MADD: variants seen among roughly 807,000 people sequenced by gnomAD.
MADD encodes the protein MAP kinase-activating death domain protein.
In MADD, 109 loss-of-function variants were observed where a neutral mutation model predicts 176.7. The observed-to-expected ratio is 0.62, with a 90% CI of 0.53 to 0.72. The LOEUF (loss-of-function observed/expected upper bound fraction) is 0.72, where lower values mean the gene tolerates loss of function less well. MADD is among the 30% of genes least tolerant of loss of function. The pLI is 0.00. For synonymous variants in MADD, 771 were observed against 771.3 expected, an observed-to-expected ratio of 1.00 and a Z score of 0.01; for missense variants, 1,914 against 2,045.5, an observed-to-expected ratio of 0.94 and a Z score of 1.24.
chr11:47,317,668 G>A (rs1227615415), intron 27 of MADD, among the ~76,000 whole-genome samples: 1 of 152,134 alleles, frequency 6.6e-6, no homozygotes, highest in Non-Finnish European at 1.5e-5. Flanking sequence ...ACATCAGTGG[G>A]CTCAGATGTG....
rs201582496 is a variant in MADD at position 47,278,445 on chromosome 11, A to G, written c.1209+167A>G. Among the ~76,000 whole-genome samples the G allele has an allele frequency of 1.1e-4, 17 of 152,322 alleles. 1 individual carries two copies. The South Asian group carries it at 2.5e-3, about 22-fold the overall frequency. On this transcript the variant is annotated intron_variant, in intron 6 of 32. Coordinates refer to ENST00000402192, the Ensembl canonical transcript of MADD. The stretch of plus-strand genomic sequence containing the variant: ...TTTTTTTAAATGCTCCTTTTACCTT[A>G]TTAGCCAAATAAACCCTTGGTTAGG...
chr11:47,270,257 C>T lies in MADD; in HGVS notation c.-89+11C>T, dbSNP rs1959031743. On this transcript the variant is annotated intron_variant, in intron 1 of 32. Coordinates refer to ENST00000402192, the Ensembl canonical transcript of MADD. The stretch of plus-strand genomic sequence containing the variant: ...CCCAGAGCTTGGGAGGTAGGAGAGT[C>T]TGGGCCGGTGGGGTCCTGGGCGAGC... 7.9e-6 allele frequency: 1 copy of T among 126,168 alleles called. No homozygotes were observed. The highest frequency in any genetic ancestry group is 3.2e-5 in the African/African-American group (1 of 30,882). 7.8% of individuals were successfully genotyped at this position (126,168 alleles called of 1,614,324 possible). A position where few individuals can be genotyped will look rare whatever the true frequency, so the allele number is the denominator to read the frequency against.
At chr11:47,281,710 C>T (rs1426160246) in exon 8 of MADD, 3 of 1,613,360 alleles carry the variant, frequency 1.9e-6, no homozygotes, top group African/African-American at 1.3e-5. Context: ...ATTCAACCCA[C>T]TCATCTATGG....
intron 20 of MADD, among the ~76,000 whole-genome samples, chr11:47,294,917 C>T (rs1443962831): frequency 2.0e-5 from 3 of 151,882 alleles, no homozygotes; most frequent in African/African-American, 4.8e-5. Flanking sequence ...CAGTGGTTAA[C>T]GTGGGAGGTA....
chr11:47,277,409 C>G (rs1214752290), intron 5 of MADD, among the ~76,000 whole-genome samples: 1 of 152,216 alleles, frequency 6.6e-6, no homozygotes, highest in African/African-American at 2.4e-5. Flanking sequence ...TCTCCTGCTT[C>G]AGCCTCCCTA....
At chr11:47,282,301 T>G in intron 8 of MADD, 80 bp from the exon 9 acceptor site, 7 of 1,122,240 alleles carry the variant, frequency 6.2e-6, no homozygotes, top group Non-Finnish European at 8.1e-6. Flanking sequence ...AGTGATGGCT[T>G]TGGGAGGTGT....
chr11:47,327,084 C>A, intron 31 of MADD: 2 of 1,161,582 alleles, frequency 1.7e-6, no homozygotes, highest in Middle Eastern at 3.7e-4. Flanking sequence ...ACCACCTCCC[C>A]GTGCTGGGCC....
At chr11:47,310,901 C>T (rs2088291314) in intron 25 of MADD, among the ~76,000 whole-genome samples, 1 of 82,370 alleles carries the variant, frequency 1.2e-5, no homozygotes, top group African/African-American at 4.7e-5. Context: ...GAGCGAAAAT[C>T]CATCTCAAAA....
At chr11:47,274,591 A>G in exon 3 of MADD, 1 of 1,612,940 alleles carries the variant, frequency 6.2e-7, no homozygotes. Flanking sequence ...CGTGGCCCAG[A>G]CTCCTGAATT....
intron 7 of MADD, among the ~76,000 whole-genome samples, chr11:47,280,577 T>A (rs931371951): frequency 3.3e-5 from 5 of 152,264 alleles, no homozygotes; most frequent in African/African-American, 9.6e-5. Context: ...TTTATTTATT[T>A]ATTTTGAGAT....
At chr11:47,289,792 T>C in intron 16 of MADD, 75 bp from the exon 18 acceptor site, 4 of 1,521,842 alleles carry the variant, frequency 2.6e-6, no homozygotes, top group Non-Finnish European at 3.6e-6. Context: ...GAGGCAGACA[T>C]CTAGTCTGGG....
exon 33 of MADD, chr11:47,329,210 C>T: frequency 8.1e-7 from 1 of 1,239,916 alleles, no homozygotes; most frequent in Non-Finnish European, 1.2e-6. Context: ...TTGCTGTTCC[C>T]AAGTGCACGA....
At chr11:47,274,020 C>T (rs1325986398) in intron 2 of MADD, 44 bp downstream of exon 2, 12 of 1,553,372 alleles carry the variant, frequency 7.7e-6, no homozygotes, top group East Asian at 2.2e-5. Context: ...TCTGGGATAG[C>T]CATAAAATCT....
chr11:47,275,261 C>A, intron 3 of MADD, 102 bp downstream of exon 3: 1 of 971,862 alleles, frequency 1.0e-6, no homozygotes, highest in Non-Finnish European at 1.5e-6. Flanking sequence ...CAAGGTCCTT[C>A]AGACCTATTA....
chr11:47,281,747 C>T, exon 8 of MADD: 2 of 1,601,316 alleles, frequency 1.2e-6, no homozygotes, highest in Non-Finnish European at 8.5e-7. Flanking sequence ...GTGGATGTTG[C>T]AACCAGGTAA....
intron 2 of MADD, among the ~76,000 whole-genome samples, chr11:47,274,329 A>G (rs1449477048): frequency 1.3e-5 from 2 of 152,244 alleles, no homozygotes; most frequent in African/African-American, 4.8e-5. Flanking sequence ...GGTGCCAGTG[A>G]TAATTTTATT....
chr11:47,299,313 A>AT (rs923524556), intron 22 of MADD, among the ~76,000 whole-genome samples: 30 of 151,150 alleles, frequency 2.0e-4, no homozygotes, highest in African/African-American at 6.6e-4. Context: ...ATATCTTTCC[A>AT]TTTTTTCCCT....
At chr11:47,286,412 C>G in intron 14 of MADD, 21 bp from the exon 15 acceptor site, 1 of 1,561,258 alleles carries the variant, frequency 6.4e-7, no homozygotes, top group South Asian at 1.1e-5. Flanking sequence ...AGTCATCGCT[C>G]TTGCACCCTC....
Position 47,282,856 on chromosome 11 carries a change from T to A in MADD, c.1749T>A (p.Tyr583Ter). The change falls in exon 10 of 33, where the codon TAT becomes TAA. Residue 583 changes from tyrosine (Y) to a stop codon, truncating the protein, a stop_gained. Transcript: ENST00000402192. LOFTEE classifies it high-confidence loss of function. Reference sequence around the variant, plus strand: ...TGATTGGTGACAAGCCAAAGTGGTATGCTCATCAGCTGCAGCCTATCCACT... The same window carrying A: ...TGATTGGTGACAAGCCAAAGTGGTAAGCTCATCAGCTGCAGCCTATCCACT... 1 of 1,614,206 alleles carries A rather than the reference T, an allele frequency of 6.2e-7. No individual in the cohort carries two copies. The highest frequency in any genetic ancestry group is 8.5e-7 in the Non-Finnish European group (1 of 1,180,028).
Sources: gnomAD v4.1 joint callset for allele counts (sites outside exome capture counted in the v4.1 genomes callset) on GRCh38, gnomAD v4.1.1 for gene constraint, MANE v1.5 for transcripts, NCBI Gene and HGNC (gene_info 2026-07-23, HGNC 2026-07-21) for gene names.